PKHD1: variants seen among roughly 807,000 people sequenced by gnomAD.
The protein encoded by PKHD1 is PKHD1 ciliary IPT domain containing fibrocystin/polyductin.
A neutral mutation model predicts 412.0 loss-of-function variants in PKHD1; 291 were observed. The observed-to-expected ratio is 0.71, with a 90% CI of 0.64 to 0.78. The LOEUF (loss-of-function observed/expected upper bound fraction) is 0.78. Among genes scored for constraint, PKHD1 ranks in the 30% least tolerant of loss-of-function variants. The pLI is 0.00. For missense variants in PKHD1, 4,825 were observed against 4,950.7 expected, an observed-to-expected ratio of 0.97 and a Z score of 0.76; for synonymous variants, 1,777 against 1,821.5, an observed-to-expected ratio of 0.98 and a Z score of 0.62.
rs200204976 is a variant in PKHD1 at position 52,073,547 on chromosome 6, T to G, written c.449-6A>C. The G allele has an allele frequency of 1.3e-6, 2 of 1,555,584 alleles. No individual in the cohort carries two copies. The highest frequency in any genetic ancestry group is 4.5e-5 in the East Asian group (2 of 44,592). On this transcript the variant is annotated splice_polypyrimidine_tract_variant and splice_region_variant and intron_variant, in intron 6 of 66. Coordinates refer to ENST00000371117, the MANE Select transcript of PKHD1 (RefSeq NM_138694.4). Reference sequence around the variant, plus strand: ...ATATACATGTATTAGTTTTCCTGTTTGAAGAAGAATTTTTTTAATTTAATG... The same window carrying G: ...ATATACATGTATTAGTTTTCCTGTTGGAAGAAGAATTTTTTTAATTTAATG...
intron 57 of PKHD1, among the ~76,000 whole-genome samples, chr6:51,751,100 A>G (rs1786049627): frequency 6.6e-6 from 1 of 152,190 alleles, no homozygotes; most frequent in African/African-American, 2.4e-5. Flanking sequence ...TATTTTATTC[A>G]CAACTATTTT....
chr6:52,081,717 TG>T (rs1812063722), intron 4 of PKHD1, among the ~76,000 whole-genome samples: 1 of 152,168 alleles, frequency 6.6e-6, no homozygotes, highest in Non-Finnish European at 1.5e-5. Flanking sequence ...GTGGCATTTG[TG>T]GTATGGTTGG....
intron 36 of PKHD1, among the ~76,000 whole-genome samples, chr6:51,958,423 G>C (rs562300425): frequency 9.1e-4 from 139 of 152,218 alleles, no homozygotes; most frequent in Non-Finnish European, 1.6e-3. Flanking sequence ...TTAAGAGTGA[G>C]AAGTCAAATG....
intron 24 of PKHD1, among the ~76,000 whole-genome samples, chr6:52,045,727 T>C (rs568833346): frequency 6.6e-6 from 1 of 152,200 alleles, no homozygotes; most frequent in African/African-American, 2.4e-5. Context: ...CAATAACAGA[T>C]GTAGAATTAT....
intron 52 of PKHD1, among the ~76,000 whole-genome samples, chr6:51,814,503 C>T (rs9370064): frequency 6.6e-6 from 1 of 152,186 alleles, no homozygotes; most frequent in South Asian, 2.1e-4. Context: ...CCTCTGAAAC[C>T]ATTTCACAGC....
intron 65 of PKHD1, 41 bp from the exon 66 acceptor site, chr6:51,627,157 G>A (rs1282508500): frequency 2.6e-6 from 4 of 1,523,046 alleles, no homozygotes; most frequent in Non-Finnish European, 3.6e-6. Context: ...TTGTTCAGTT[G>A]TAAGTGGGAC....
intron 27 of PKHD1, 95 bp from the exon 28 acceptor site, chr6:52,035,816 T>C (rs2128169364): frequency 1.6e-6 from 2 of 1,258,674 alleles, no homozygotes; most frequent in South Asian, 1.2e-5. Context: ...AATTAAAATA[T>C]GAAACTCCTT....
intron 60 of PKHD1, among the ~76,000 whole-genome samples, chr6:51,666,120 T>G (rs1382515571): frequency 2.7e-5 from 4 of 149,582 alleles, no homozygotes; most frequent in African/African-American, 9.9e-5. Flanking sequence ...AGGTGCAAAC[T>G]CAGTCTTTCT....
rs55992586 is a variant in PKHD1 at position 52,059,259 on chromosome 6, C to CTTTTTTTTTTTTTTTTTTTTTTTTT, written c.1234-659_1234-658insAAAAAAAAAAAAAAAAAAAAAAAAA. Among the ~76,000 whole-genome samples the CTTTTTTTTTTTTTTTTTTTTTTTTT allele has an allele frequency of 3.1e-4, 26 of 83,518 alleles. 1 individual carries two copies. The highest frequency in any genetic ancestry group is 8.3e-4 in the African/African-American group (16 of 19,186). 54.8% of individuals were successfully genotyped at this position (83,518 alleles called of 152,430 possible). A position where few individuals can be genotyped will look rare whatever the true frequency, so the allele number is the denominator to read the frequency against. ...CTTTCTTTTTTTTCTTTTTCTTTTT[C>CTTTTTTTTTTTTTTTTTTTTTTTTT]TTTTTTTTTTTTTTTTTTTTTTTTG... On this transcript the variant is annotated intron_variant, in intron 15 of 66. Coordinates refer to ENST00000371117, the MANE Select transcript of PKHD1 (RefSeq NM_138694.4).
chr6:52,074,431 CAG>C (rs1450190439), intron 6 of PKHD1, among the ~76,000 whole-genome samples: 1 of 152,120 alleles, frequency 6.6e-6, no homozygotes, highest in Admixed American at 6.5e-5. Flanking sequence ...GGCAGAAATC[CAG>C]AGTCTCAAGT....
chr6:52,062,511 C>T lies in PKHD1; in HGVS notation c.1118+8G>A. ...TTGATGTGGGCTCCCACTTTTCCTA[C>T]AACATACCTGAAAGGTTGTCCTTCC... On this transcript the variant is annotated splice_region_variant and intron_variant, in intron 14 of 66. Coordinates refer to ENST00000371117, the MANE Select transcript of PKHD1 (RefSeq NM_138694.4). 1 of 1,613,932 alleles carries T rather than the reference C, an allele frequency of 6.2e-7. No homozygotes were observed. The highest frequency in any genetic ancestry group is 1.3e-5 in the African/African-American group (1 of 75,036).
chr6:52,045,962 A>G, intron 24 of PKHD1, 42 bp downstream of exon 24: 1 of 1,347,128 alleles, frequency 7.4e-7, no homozygotes, highest in Non-Finnish European at 1.1e-6. Context: ...GAATTTCTCC[A>G]GGGCAGCAAA....
chr6:51,951,785 A>G (rs1217099266), intron 36 of PKHD1, among the ~76,000 whole-genome samples: 1 of 152,188 alleles, frequency 6.6e-6, no homozygotes, highest in African/African-American at 2.4e-5. Flanking sequence ...TCCAGGATGA[A>G]TAGGATATAG....
chr6:51,984,670 T>A (rs1446563227), intron 35 of PKHD1, among the ~76,000 whole-genome samples: 3 of 152,198 alleles, frequency 2.0e-5, no homozygotes, highest in African/African-American at 7.2e-5. Flanking sequence ...AGTGTTACAC[T>A]GGAGAATGTA....
intron 33 of PKHD1, among the ~76,000 whole-genome samples, chr6:52,021,533 C>A (rs1801395017): frequency 1.3e-5 from 2 of 152,160 alleles, no homozygotes; most frequent in South Asian, 4.1e-4. Flanking sequence ...CCTCACCAAG[C>A]ACTAATTTTG....
chr6:51,937,946 A>T (rs1217144548), intron 36 of PKHD1, among the ~76,000 whole-genome samples: 1 of 152,204 alleles, frequency 6.6e-6, no homozygotes, highest in Non-Finnish European at 1.5e-5. Context: ...GGCTTACTCC[A>T]TCTTGTTCCT....
intron 35 of PKHD1, among the ~76,000 whole-genome samples, chr6:52,008,895 T>C (rs1004655496): frequency 6.6e-6 from 1 of 152,144 alleles, no homozygotes; most frequent in Non-Finnish European, 1.5e-5. Context: ...TAGGTCAGCC[T>C]GCCTCTCCCT....
chr6:52,071,500 T>C (rs1458151164), intron 8 of PKHD1, among the ~76,000 whole-genome samples: 1 of 152,010 alleles, frequency 6.6e-6, no homozygotes, highest in South Asian at 2.1e-4. Flanking sequence ...CCATAGAGTA[T>C]CATTCTTGTA....
intron 23 of PKHD1, 56 bp downstream of exon 23, chr6:52,048,436 G>A: frequency 6.4e-7 from 1 of 1,552,316 alleles, no homozygotes; most frequent in Non-Finnish European, 8.9e-7. Context: ...GTTCCCTTGG[G>A]AATGTGAGTG....
Sources: allele counts gnomAD v4.1 joint callset (sites outside exome capture counted in the v4.1 genomes callset), GRCh38; gene constraint gnomAD v4.1.1; transcripts MANE v1.5; gene names NCBI Gene and HGNC (gene_info 2026-07-23, HGNC 2026-07-21).